The following CHCHD3 variants were observed in gnomAD, a reference collection of about 807,000 sequenced individuals.
CHCHD3 encodes coiled-coil-helix-coiled-coil-helix domain containing 3.
CHCHD3 carries 20 observed loss-of-function variants against 38.2 expected under a neutral mutation model. The ratio of observed to expected loss-of-function variants is 0.52; its 90% confidence interval spans 0.37 to 0.76. The LOEUF is 0.76. Among genes scored for constraint, CHCHD3 ranks in the 30% least tolerant of loss-of-function variants. CHCHD3 has a pLI of 0.00. For missense variants in CHCHD3, 245 were observed against 279.2 expected (o/e 0.88, Z 0.87); for synonymous variants, 82 against 100.0 (o/e 0.82, Z 1.07).
At chr7:132,786,748 C>T (rs1806330615) in intron 7 of CHCHD3, among the ~76,000 whole-genome samples, 1 of 152,152 alleles carries the variant, frequency 6.6e-6, no homozygotes, top group Admixed American at 6.5e-5. Context: ...GAAACTAATA[C>T]ATACACCTGT....
chr7:132,850,161 C>T lies in CHCHD3; in HGVS notation c.454-11692G>A, dbSNP rs1220834685. Among the ~76,000 whole-genome samples, 7 of 152,256 alleles carry T rather than the reference C, an allele frequency of 4.6e-5. No individual in the cohort carries two copies. The East Asian group carries it at 5.8e-4, about 13-fold the overall frequency. ...TGTCAGGAATCTCCATTTCCTTCTG[C>T]CTCTCTCCTTTTCCAACAAAGAACA... is the stretch of plus-strand genomic sequence containing the variant. On this transcript the variant is annotated intron_variant, in intron 5 of 7. Transcript: ENST00000262570.
At chr7:132,940,037 T>C (rs900085053) in intron 4 of CHCHD3, among the ~76,000 whole-genome samples, 5 of 152,120 alleles carry the variant, frequency 3.3e-5, no homozygotes, top group African/African-American at 1.2e-4. Context: ...GGAAAAAACA[T>C]AATACATTTG....
chr7:132,842,280 T>G (rs1323803922), intron 5 of CHCHD3, among the ~76,000 whole-genome samples: 10 of 152,176 alleles, frequency 6.6e-5, no homozygotes, highest in Admixed American at 5.9e-4. Flanking sequence ...TCTTGAATAC[T>G]AAACTGTTGC....
rs572918220 is a variant in CHCHD3, at chr7:132,997,085, C to T, written c.252-21799G>A. Among the ~76,000 whole-genome samples, 3 of 152,272 alleles carry T rather than the reference C, an allele frequency of 2.0e-5. No individual in the cohort carries two copies. The East Asian group carries it at 5.8e-4, about 29-fold the overall frequency. ...AGTCATTGACATAGTGCTCAAATCC[C>T]ACGCAGCATGAACCATGTTAGCTAA... On this transcript the variant is annotated intron_variant, in intron 3 of 7. Transcript: ENST00000262570.
chr7:133,017,055 A>G (rs1264691931), intron 3 of CHCHD3, among the ~76,000 whole-genome samples: 1 of 152,190 alleles, frequency 6.6e-6, no homozygotes, highest in Middle Eastern at 3.2e-3. Context: ...ACCTTGACCA[A>G]AGTTTTCTTG....
intron 2 of CHCHD3, among the ~76,000 whole-genome samples, chr7:133,068,430 G>GATGA (rs1315359659): frequency 6.6e-6 from 1 of 152,178 alleles, no homozygotes; most frequent in East Asian, 1.9e-4. Flanking sequence ...TGAATAATGT[G>GATGA]ATGATGTTGG....
intron 3 of CHCHD3, among the ~76,000 whole-genome samples, chr7:132,980,873 A>G (rs1205982697): frequency 6.6e-6 from 1 of 152,238 alleles, no homozygotes; most frequent in Non-Finnish European, 1.5e-5. Flanking sequence ...TACTCTAAAG[A>G]ACCTCAAGTT....
intron 4 of CHCHD3, among the ~76,000 whole-genome samples, chr7:132,910,086 A>G (rs1809904409): frequency 6.6e-6 from 1 of 152,220 alleles, no homozygotes; most frequent in South Asian, 2.1e-4. Flanking sequence ...TAGTCACAGG[A>G]TACAAAACCT....
intron 2 of CHCHD3, among the ~76,000 whole-genome samples, chr7:133,067,140 T>C (rs538451579): frequency 6.6e-6 from 1 of 152,320 alleles, no homozygotes; most frequent in African/African-American, 2.4e-5. Context: ...GTTATAAGGA[T>C]GAAATGAGAT....
chr7:133,029,241 A>T (rs1422500064), intron 2 of CHCHD3, among the ~76,000 whole-genome samples: 1 of 152,226 alleles, frequency 6.6e-6, no homozygotes, highest in East Asian at 1.9e-4. Context: ...AATGATTACC[A>T]CAAATATATC....
In CHCHD3 at chr7:132,957,579, T is replaced by C. The variant is rs534807044; in HGVS notation, c.369+17590A>G. Among the ~76,000 whole-genome samples the C allele has an allele frequency of 5.3e-5, 8 of 152,008 alleles. No homozygotes were observed. In the East Asian group the frequency reaches 1.5e-3, roughly 29 times the overall value. ...CTCACTGCAACCTCTGCTTCCTGAG[T>C]TCAAGCGATTCTCCTGCCTCAGCCT... On this transcript the variant is annotated intron_variant, in intron 4 of 7. Coordinates refer to ENST00000262570, the MANE Select transcript of CHCHD3 (RefSeq NM_017812.4).
At chr7:133,038,749 G>A (rs993125895) in intron 2 of CHCHD3, among the ~76,000 whole-genome samples, 1 of 152,158 alleles carries the variant, frequency 6.6e-6, no homozygotes, top group African/African-American at 2.4e-5. Context: ...TAATAGCAAA[G>A]TTCTATAGAG....
chr7:132,973,438 A>C (rs766821919), intron 4 of CHCHD3: 14 of 985,530 alleles, frequency 1.4e-5, no homozygotes, highest in Non-Finnish European at 1.7e-5. Flanking sequence ...ACGTACAACA[A>C]ATTTAATTTT....
At chr7:132,941,763 A>T (rs1333986909) in intron 4 of CHCHD3, among the ~76,000 whole-genome samples, 1 of 152,130 alleles carries the variant, frequency 6.6e-6, no homozygotes, top group Non-Finnish European at 1.5e-5. Context: ...ATTTCTGAAA[A>T]GCACAGGACG....
intron 3 of CHCHD3, among the ~76,000 whole-genome samples, chr7:132,984,673 C>A (rs1242129298): frequency 7.1e-4 from 107 of 151,022 alleles, no homozygotes; most frequent in African/African-American, 2.0e-3. Context: ...CTCTGCCCTG[C>A]CGCCCCGTCT....
chr7:132,973,976 G>A, intron 4 of CHCHD3: 1 of 1,287,382 alleles, frequency 7.8e-7, no homozygotes, highest in Non-Finnish European at 1.0e-6. Context: ...CGAAGTGGAG[G>A]CTAAGCAGTC....
Position 133,035,267 on chromosome 7 carries a change from A to C in CHCHD3, c.170-10640T>G. On this transcript the variant is annotated intron_variant, in intron 2 of 7. Coordinates refer to ENST00000262570, the MANE Select transcript of CHCHD3 (RefSeq NM_017812.4). This position sits in a 1 kb window ranked among gnomAD's most constrained non-coding sequence, Gnocchi z 4.7. ...TAGGCTGGGTCTCTGCAAACTTTTTAGCATCAAACTGGGCCATCTTCTCAC... is the reference window on the plus strand; with the variant it reads ...TAGGCTGGGTCTCTGCAAACTTTTTCGCATCAAACTGGGCCATCTTCTCAC... The C allele has an allele frequency of 1.2e-6, 2 of 1,613,392 alleles. No homozygotes were observed. The highest frequency in any genetic ancestry group is 1.7e-6 in the Non-Finnish European group (2 of 1,179,486).
intron 5 of CHCHD3, among the ~76,000 whole-genome samples, chr7:132,878,278 T>C (rs575050442): frequency 1.1e-4 from 16 of 152,316 alleles, no homozygotes; most frequent in Non-Finnish European, 1.9e-4. Context: ...TTTCTCATTA[T>C]TATCATTGTT....
At chr7:132,896,578 C>T (rs182124236) in intron 4 of CHCHD3, among the ~76,000 whole-genome samples, 1 of 152,260 alleles carries the variant, frequency 6.6e-6, no homozygotes, top group East Asian at 1.9e-4. Context: ...CAATCCCCAA[C>T]CCATAAGAAA....
Sources: allele counts gnomAD v4.1 joint callset (sites outside exome capture counted in the v4.1 genomes callset), GRCh38; gene constraint gnomAD v4.1.1; non-coding constraint Gnocchi (gnomAD v3.1); transcripts MANE v1.5; gene names NCBI Gene and HGNC (gene_info 2026-07-23, HGNC 2026-07-21).